Variants in SIDT1 observed in about 807,000 individuals in gnomAD.
SIDT1 encodes SID1 transmembrane family, member 1.
Under a neutral mutation model 107.5 loss-of-function variants are expected in SIDT1, and 101 were observed. The observed-to-expected ratio is 0.94, with a 90% CI of 0.80 to 1.11. The LOEUF is 1.11. SIDT1 is among the 50% of genes least tolerant of loss of function. The probability of loss-of-function intolerance (pLI) is 0.00; values close to 1 mark genes in which losing one functional copy is unlikely to be tolerated. For missense variants in SIDT1, 1,076 were observed against 1,058.2 expected, an observed-to-expected ratio of 1.02 and a Z score of -0.23; for synonymous variants, 395 against 398.2, an observed-to-expected ratio of 0.99 and a Z score of 0.10.
chr3:113,563,723 T>C (rs536417341), intron 1 of SIDT1, among the ~76,000 whole-genome samples: 2 of 150,856 alleles, frequency 1.3e-5, no homozygotes, highest in Admixed American at 1.3e-4. Flanking sequence ...TGTATGGGTC[T>C]TGTTTGTGCC....
intron 20 of SIDT1, among the ~76,000 whole-genome samples, chr3:113,618,254 G>T (rs1175574808): frequency 6.6e-6 from 1 of 152,114 alleles, no homozygotes; most frequent in Non-Finnish European, 1.5e-5. Context: ...TGGCTTGATA[G>T]CTCATTTGTA....
chr3:113,552,066 C>T (rs568693865), intron 1 of SIDT1, among the ~76,000 whole-genome samples: 1 of 152,144 alleles, frequency 6.6e-6, no homozygotes. Flanking sequence ...TTTAACTGCC[C>T]TTTTGTGAAC....
Position 113,581,504 on chromosome 3 carries a change from T to C in SIDT1, c.747+60T>C, listed in dbSNP as rs9863703. The C allele has an allele frequency of 1.4e-5, 19 of 1,341,968 alleles. No homozygotes were observed. The South Asian group carries it at 2.0e-4, about 14-fold the overall frequency. The allele number at this position is 1,341,968 out of a possible 1,614,324, so 83.1% of individuals were successfully genotyped here. On this transcript the variant is annotated intron_variant, in intron 6 of 24. Transcript: ENST00000264852. Reference sequence around the variant, plus strand: ...GGTAATGCTCAATAGATAGTGTACTTACTGGGCCAGCATCCAAAAGGGATG... The same window carrying C: ...GGTAATGCTCAATAGATAGTGTACTCACTGGGCCAGCATCCAAAAGGGATG...
chr3:113,567,500 T>C (rs750003482), intron 2 of SIDT1, 40 bp from the exon 3 acceptor site: 3 of 1,540,966 alleles, frequency 1.9e-6, no homozygotes, highest in Non-Finnish European at 2.6e-6. Context: ...GTCCCTTTCT[T>C]GTCCTTGTTT....
chr3:113,571,512 A>ACACACACACACACACACACACAC (rs1553789387), intron 3 of SIDT1, among the ~76,000 whole-genome samples: 1 of 151,978 alleles, frequency 6.6e-6, no homozygotes, highest in Non-Finnish European at 1.5e-5. Flanking sequence ...ACACACACAT[A>ACACACACACACACACACACACAC]AACTGTGCCA....
intron 1 of SIDT1, among the ~76,000 whole-genome samples, chr3:113,541,777 C>T (rs1052507626): frequency 6.6e-6 from 1 of 151,956 alleles, no homozygotes; most frequent in East Asian, 1.9e-4. Flanking sequence ...CAATATGTTA[C>T]TCCTTTGTCT....
intron 9 of SIDT1, 28 bp downstream of exon 9, chr3:113,585,298 A>G (rs767433225): frequency 8.0e-6 from 12 of 1,500,658 alleles, no homozygotes. Context: ...AGAAATGTTA[A>G]TTCCCTGTGC....
At chr3:113,575,414 G>T (rs998423937) in intron 3 of SIDT1, among the ~76,000 whole-genome samples, 1 of 152,156 alleles carries the variant, frequency 6.6e-6, no homozygotes, top group African/African-American at 2.4e-5. Flanking sequence ...CTGCTGAAAG[G>T]GCTCTACCCA....
chr3:113,539,934 G>A (rs953986741), intron 1 of SIDT1, among the ~76,000 whole-genome samples: 4 of 151,802 alleles, frequency 2.6e-5, no homozygotes, highest in Admixed American at 6.6e-5. Context: ...AACCTGGGAG[G>A]CGGAGGCTGC....
intron 3 of SIDT1, among the ~76,000 whole-genome samples, chr3:113,573,118 G>A (rs1316155868): frequency 1.3e-5 from 2 of 152,014 alleles, no homozygotes; most frequent in Non-Finnish European, 2.9e-5. Flanking sequence ...TGTGGAAAGC[G>A]ATAGAAAGGG....
At chr3:113,565,534 A>G (rs1941820267) in intron 1 of SIDT1, among the ~76,000 whole-genome samples, 1 of 152,110 alleles carries the variant, frequency 6.6e-6, no homozygotes, top group Non-Finnish European at 1.5e-5. Flanking sequence ...TCAAGAAAGA[A>G]AAAAAAAGAG....
intron 3 of SIDT1, among the ~76,000 whole-genome samples, chr3:113,573,846 G>A (rs1411943072): frequency 2.6e-5 from 4 of 152,184 alleles, no homozygotes; most frequent in Admixed American, 6.5e-5. Flanking sequence ...ATAAGTCACC[G>A]AGTTGACAGT....
chr3:113,601,425 C>G, intron 10 of SIDT1, 163 bp from the exon 11 acceptor site: 2 of 505,554 alleles, frequency 4.0e-6, no homozygotes, highest in Non-Finnish European at 7.1e-6. Context: ...AGGTGGCAGG[C>G]TAGATTTGGC....
chr3:113,604,882 G>A (rs1945209363), intron 13 of SIDT1, 28 bp from the exon 14 acceptor site: 2 of 1,612,784 alleles, frequency 1.2e-6, no homozygotes, highest in Admixed American at 1.7e-5. Flanking sequence ...TTGAAAATAA[G>A]CATTTCTGGT....
chr3:113,607,717 A>G (rs911547647), intron 15 of SIDT1, among the ~76,000 whole-genome samples: 1 of 152,226 alleles, frequency 6.6e-6, no homozygotes, highest in Non-Finnish European at 1.5e-5. Flanking sequence ...AGAGCTGAAC[A>G]TTGACACACA....
rs1937622035 is a variant in SIDT1, at chr3:113,532,902, C to T, written c.-120C>T. The T allele has an allele frequency of 4.7e-6, 3 of 644,530 alleles. No individual in the cohort carries two copies. The highest frequency in any genetic ancestry group is 4.3e-5 in the South Asian group (1 of 23,006). The allele number at this position is 644,530 out of a possible 1,614,324, so 39.9% of individuals were successfully genotyped here. A position where few individuals can be genotyped will look rare whatever the true frequency, so the allele number is the denominator to read the frequency against. On this transcript the variant is annotated 5_prime_UTR_variant, in exon 1 of 25. Transcript: ENST00000264852. ...GCCCTGGCCGGCTGGGTTCGCCAGGCATCACCCGCTCGGCTCTGAAGCGGA... is the reference window on the plus strand; with the variant it reads ...GCCCTGGCCGGCTGGGTTCGCCAGGTATCACCCGCTCGGCTCTGAAGCGGA...
chr3:113,596,299 C>T (rs578249842), intron 10 of SIDT1, among the ~76,000 whole-genome samples: 3 of 152,298 alleles, frequency 2.0e-5, no homozygotes, highest in South Asian at 4.1e-4. Flanking sequence ...TTGGTGGCAG[C>T]TCTGTTGGAG....
chr3:113,592,313 C>T (rs972798932), intron 9 of SIDT1, among the ~76,000 whole-genome samples: 1 of 152,088 alleles, frequency 6.6e-6, no homozygotes, highest in Non-Finnish European at 1.5e-5. Flanking sequence ...ATTATTTTCG[C>T]ACCAATCTAA....
At chr3:113,615,983 A>G in intron 19 of SIDT1, 117 bp from the exon 20 acceptor site, 2 of 774,098 alleles carry the variant, frequency 2.6e-6, no homozygotes, top group Admixed American at 1.8e-5. Context: ...AAAGCATTCT[A>G]ATGCATTTTA....
Sources: allele counts gnomAD v4.1 joint callset (sites outside exome capture counted in the v4.1 genomes callset), GRCh38; gene constraint gnomAD v4.1.1; transcripts MANE v1.5; gene names NCBI Gene and HGNC (gene_info 2026-07-23, HGNC 2026-07-21).